FAM114A2: variants seen among roughly 807,000 people sequenced by gnomAD.
FAM114A2 encodes the protein family with sequence similarity 114 member A2.
FAM114A2 carries 53 observed loss-of-function variants against 58.4 expected under a neutral mutation model. That is an observed-to-expected ratio of 0.91 (90% CI 0.73 to 1.14). The LOEUF (loss-of-function observed/expected upper bound fraction) is 1.14, where lower values mean the gene tolerates loss of function less well. Ranked by LOEUF, FAM114A2 falls within the 50% of genes most tolerant of loss-of-function variation. FAM114A2 has a pLI of 0.00. For synonymous variants in FAM114A2, 228 were observed against 211.4 expected (o/e 1.08, Z -0.68); for missense variants, 601 against 581.1 (o/e 1.03, Z -0.35).
intron 4 of FAM114A2, among the ~76,000 whole-genome samples, chr5:154,032,863 T>C (rs1772294147): frequency 6.6e-6 from 1 of 152,194 alleles, no homozygotes; most frequent in Admixed American, 6.5e-5. Context: ...AGCCTACTTC[T>C]AGAGTCCTTA....
chr5:154,011,377 T>C, intron 8 of FAM114A2, 57 bp from the exon 9 acceptor site: 1 of 1,212,462 alleles, frequency 8.2e-7, no homozygotes, highest in Middle Eastern at 1.9e-4. Context: ...GATCATGAGG[T>C]GGCAGGCGAG....
chr5:154,025,727 A>G (rs1006163183), intron 8 of FAM114A2, among the ~76,000 whole-genome samples: 2 of 152,164 alleles, frequency 1.3e-5, no homozygotes, highest in Non-Finnish European at 2.9e-5. Context: ...CAGTTAGTGT[A>G]TATCTTAGAA....
chr5:154,029,587 G>C lies in FAM114A2; in HGVS notation c.404-7C>G. 1 of 1,521,548 alleles carries C rather than the reference G, an allele frequency of 6.6e-7. No individual in the cohort carries two copies. The highest frequency in any genetic ancestry group is 9.1e-7 in the Non-Finnish European group (1 of 1,096,914). The allele number at this position is 1,521,548 out of a possible 1,614,324, so 94.3% of individuals were successfully genotyped here. ...TCTTTGGCATTTGTCTCTCCTACAAGAGGGAGGGGATGTGTAAACATGAAG... is the reference window on the plus strand; with the variant it reads ...TCTTTGGCATTTGTCTCTCCTACAACAGGGAGGGGATGTGTAAACATGAAG... On this transcript the variant is annotated splice_region_variant and splice_polypyrimidine_tract_variant and intron_variant, in intron 4 of 13. Transcript: ENST00000351797.
At chr5:153,993,439 T>C (rs1170547607) in intron 13 of FAM114A2, among the ~76,000 whole-genome samples, 1 of 152,182 alleles carries the variant, frequency 6.6e-6, no homozygotes, top group Non-Finnish European at 1.5e-5. Flanking sequence ...GTCACAATAT[T>C]GTGGTCAATT....
Position 154,029,550 on chromosome 5 carries a change from G to A in FAM114A2, c.434C>T (p.Ser145Phe). 1 of 1,609,786 alleles carries A rather than the reference G, an allele frequency of 6.2e-7. No individual in the cohort carries two copies. Among genetic ancestry groups the A allele is most frequent in the South Asian group, 1.1e-5 (1 of 90,920 alleles). The stretch of plus-strand genomic sequence containing the variant: ...ACCAAATGCCCCAGCCACTGGGGAG[G>A]AGTTTTCATTCTCTTTGGCATTTGT... ...GETNAKENEN[S>F]SPVAGAFGVF... is the part of the protein sequence containing the mutation. Residue 145 changes from serine to phenylalanine, a missense_variant, in exon 5 of 14, where the codon TCC becomes TTC. Physicochemically the swap from Ser to Phe is radical, Grantham distance 155. Coordinates refer to ENST00000351797, the MANE Select transcript of FAM114A2 (RefSeq NM_018691.4).
rs377274589 is a variant in FAM114A2 at position 153,997,902 on chromosome 5, C to T, written c.1257-27G>A. 3.8e-5 allele frequency: 54 copies of T among 1,413,580 alleles called. No homozygotes were observed. In the African/African-American group the frequency reaches 5.2e-4, roughly 14 times the overall value. 87.6% of individuals were successfully genotyped at this position (1,413,580 alleles called of 1,614,324 possible). ...TAGGAAAGAAAGGAAAAGTCAGAAACGTTTTTTCTTTTTTTAAAAAAATAA... is the reference window on the plus strand; with the variant it reads ...TAGGAAAGAAAGGAAAAGTCAGAAATGTTTTTTCTTTTTTTAAAAAAATAA... On this transcript the variant is annotated intron_variant, in intron 11 of 13. Transcript: ENST00000351797.
rs563256135 is a variant in FAM114A2, at chr5:154,026,460, C to T, written c.852G>A (p.Glu284=). 231 of 1,576,594 alleles carry T rather than the reference C, an allele frequency of 1.5e-4. No individual in the cohort carries two copies. Among genetic ancestry groups the T allele is most frequent in the Non-Finnish European group, 1.9e-4 (223 of 1,160,326 alleles). The change falls in exon 8 of 14, where the codon GAG becomes GAA. Residue 284 remains glutamate, a synonymous_variant. Coordinates refer to ENST00000351797, the MANE Select transcript of FAM114A2 (RefSeq NM_018691.4). ...CTAGAGAAAATGTTTCTTTGAGTTG[C>T]TCTAATTCAACTTTTAGAGTCTCTA... ...EELETLKVEL[E]QLKETFSLAE... is the part of the protein sequence containing the mutation.
chr5:154,017,978 C>T (rs1360641371), intron 8 of FAM114A2, among the ~76,000 whole-genome samples: 1 of 152,086 alleles, frequency 6.6e-6, no homozygotes, highest in East Asian at 1.9e-4. Flanking sequence ...CGAGCACTAA[C>T]AGACAATCTA....
chr5:154,027,817 G>C (rs536586840), intron 6 of FAM114A2, among the ~76,000 whole-genome samples: 35 of 152,064 alleles, frequency 2.3e-4, no homozygotes, highest in Non-Finnish European at 1.2e-4. Flanking sequence ...TTTGATCCTA[G>C]ACAGTGCAAA....
chr5:154,003,554 GT>G (rs1189084576), intron 9 of FAM114A2, among the ~76,000 whole-genome samples: 4 of 152,082 alleles, frequency 2.6e-5, no homozygotes. Context: ...CTTAAGAAAT[GT>G]TTTTATGTGT....
intron 8 of FAM114A2, among the ~76,000 whole-genome samples, chr5:154,020,568 C>T (rs1346270892): frequency 2.0e-5 from 3 of 152,158 alleles, no homozygotes; most frequent in African/African-American, 7.2e-5. Context: ...CATTCCTGGA[C>T]ACACACGCCC....
chr5:154,025,915 T>C (rs1206935347), intron 8 of FAM114A2, among the ~76,000 whole-genome samples: 1 of 152,116 alleles, frequency 6.6e-6, no homozygotes, highest in Non-Finnish European at 1.5e-5. Flanking sequence ...TAAAATATGG[T>C]ATAAGAGTTT....
At chr5:154,027,007 TTCAA>T (rs954373185) in intron 7 of FAM114A2, among the ~76,000 whole-genome samples, 165 bp downstream of exon 7, 22 of 152,210 alleles carry the variant, frequency 1.4e-4, no homozygotes, top group African/African-American at 5.3e-4. Context: ...TAGCAATTAG[TTCAA>T]TCAAACATTA....
At chr5:154,012,569 C>T (rs559563144) in intron 8 of FAM114A2, among the ~76,000 whole-genome samples, 22 of 152,270 alleles carry the variant, frequency 1.4e-4, no homozygotes, top group Non-Finnish European at 2.4e-4. Context: ...CCCTAATATT[C>T]CCAGGAATAA....
intron 1 of FAM114A2, among the ~76,000 whole-genome samples, chr5:154,035,749 T>C (rs1034067416): frequency 2.0e-5 from 3 of 152,246 alleles, no homozygotes; most frequent in African/African-American, 4.8e-5. Flanking sequence ...TGTTTAGTTT[T>C]ATGAGAAACT....
At chr5:153,995,116 A>G (rs1035524463) in intron 12 of FAM114A2, 144 bp from the exon 13 acceptor site, 11 of 590,672 alleles carry the variant, frequency 1.9e-5, no homozygotes, top group African/African-American at 3.7e-5. Flanking sequence ...GCAAAATGTC[A>G]TCTTTAGAAT....
At chr5:153,994,388 G>C (rs1247427985) in intron 13 of FAM114A2, among the ~76,000 whole-genome samples, 2 of 152,120 alleles carry the variant, frequency 1.3e-5, no homozygotes, top group Non-Finnish European at 2.9e-5. Context: ...CACATAGGGA[G>C]GTAATATAAT....
intron 4 of FAM114A2, among the ~76,000 whole-genome samples, chr5:154,029,892 T>G (rs1013288461): frequency 6.6e-6 from 1 of 152,116 alleles, no homozygotes; most frequent in East Asian, 1.9e-4. Context: ...AGAAAACAGA[T>G]CAGTAATTGC....
At position 154,033,842 on chromosome 5, in the gene FAM114A2, G is replaced by A. The variant is rs1351186979; in HGVS notation, c.352C>T (p.Leu118Phe). Residue 118 changes from leucine (L) to phenylalanine (F), a missense_variant, in exon 4 of 14, where the codon CTT (leucine) becomes TTT (phenylalanine). Transcript: ENST00000351797. ...ATTTCACTGGGACCAGGGATTCCAA[G>A]GGAAGTCTCTGCCTTCTCGATGACA... Reference protein sequence around the residue: ...SNVIEKAETSLGIPGPSEIST... With the variant: ...SNVIEKAETSFGIPGPSEIST... 3 of 1,610,848 alleles carry A rather than the reference G, an allele frequency of 1.9e-6. No individual in the cohort carries two copies. Among genetic ancestry groups the A allele is most frequent in the Non-Finnish European group, 2.5e-6 (3 of 1,177,402 alleles).
Sources: gnomAD v4.1 joint callset for allele counts (sites outside exome capture counted in the v4.1 genomes callset) on GRCh38, gnomAD v4.1.1 for gene constraint, MANE v1.5 for transcripts, NCBI Gene and HGNC (gene_info 2026-07-23, HGNC 2026-07-21) for gene names.